The following AMD1 variants were observed in gnomAD, a reference collection of about 807,000 sequenced individuals.
The protein encoded by AMD1 is adenosylmethionine decarboxylase 1, also known as S-adenosylmethionine decarboxylase proenzyme.
A neutral mutation model predicts 40.2 loss-of-function variants in AMD1; 11 were observed. The ratio of observed to expected loss-of-function variants is 0.27; its 90% CI spans 0.17 to 0.45. AMD1 has a LOEUF of 0.45. AMD1 is among the 20% of genes least tolerant of loss of function. The pLI is 1.00. For synonymous variants in AMD1, 121 were observed against 130.8 expected, an observed-to-expected ratio of 0.93 and a Z score of 0.51; for missense variants, 257 against 410.2, an observed-to-expected ratio of 0.63 and a Z score of 3.23.
chr6:110,828,515 T>A, the AMD1 span, among the ~76,000 whole-genome samples: 6 of 152,112 alleles, frequency 3.9e-5, no homozygotes, highest in Admixed American at 2.0e-4. Context: ...TTTAACAGTT[T>A]GTCCAAGTCT....
chr6:110,823,058 C>T, the AMD1 span, among the ~76,000 whole-genome samples: 3 of 152,012 alleles, frequency 2.0e-5, no homozygotes, highest in Non-Finnish European at 2.9e-5. Context: ...GAGGTTGTGG[C>T]GAGCCGAGAT....
At chr6:110,816,661 C>T in the AMD1 span, among the ~76,000 whole-genome samples, 1 of 151,384 alleles carries the variant, frequency 6.6e-6, no homozygotes, top group African/African-American at 2.4e-5. Context: ...ATCTGAGATA[C>T]TTTTATCTGC....
In AMD1 at chr6:110,892,825, G is replaced by T; in HGVS notation, c.706G>T (p.Asp236Tyr). 1 of 1,614,078 alleles carries T rather than the reference G, an allele frequency of 6.2e-7. No homozygotes were observed. The highest frequency in any genetic ancestry group is 8.5e-7 in the Non-Finnish European group (1 of 1,179,934). The change falls in exon 7 of 9, where the codon GAT becomes TAT. Residue 236 changes from aspartate to tyrosine, a missense_variant and splice_region_variant. Physicochemically the swap from Asp to Tyr is radical, Grantham distance 160. Transcript: ENST00000368885. Reference protein sequence around the residue: ...CGYSMNGMKSDGTYWTIHITP... With the variant: ...CGYSMNGMKSYGTYWTIHITP... ...GTATTCGATGAATGGAATGAAATCG[G>T]ATGTGAGTAGTTATATATTGCTTCA...
At chr6:110,864,714 G>C in the AMD1 span, among the ~76,000 whole-genome samples, 1 of 152,218 alleles carries the variant, frequency 6.6e-6, no homozygotes, top group Admixed American at 6.5e-5. Flanking sequence ...GGCCTAGAAA[G>C]ACTAGGGAAG....
chr6:110,853,671 T>C, the AMD1 span, among the ~76,000 whole-genome samples: 15 of 152,148 alleles, frequency 9.9e-5, 1 homozygote, highest in Admixed American at 8.5e-4. Context: ...GAACTCCTCA[T>C]CTCAAGCGAT....
At chr6:110,864,645 T>C in the AMD1 span, among the ~76,000 whole-genome samples, 1 of 152,166 alleles carries the variant, frequency 6.6e-6, no homozygotes, top group Non-Finnish European at 1.5e-5. Flanking sequence ...AATCATGGGG[T>C]CGGACCCCAA....
At chr6:110,820,973 G>T in the AMD1 span, among the ~76,000 whole-genome samples, 1 of 152,322 alleles carries the variant, frequency 6.6e-6, no homozygotes, top group East Asian at 1.9e-4. Context: ...AGAACATAGT[G>T]TGGGACAAAG....
the AMD1 span, among the ~76,000 whole-genome samples, chr6:110,825,753 G>A: frequency 1.5e-4 from 23 of 152,294 alleles, 1 homozygote; most frequent in South Asian, 4.8e-3. Context: ...TGAGAACAAA[G>A]CTCCCTTAAA....
At chr6:110,846,734 G>T in the AMD1 span, among the ~76,000 whole-genome samples, 3 of 152,066 alleles carry the variant, frequency 2.0e-5, no homozygotes, top group East Asian at 5.8e-4. Flanking sequence ...GGTGGGTGTG[G>T]TGGCGTGTGC....
chr6:110,867,103 G>A, the AMD1 span, among the ~76,000 whole-genome samples: 5 of 151,574 alleles, frequency 3.3e-5, no homozygotes, highest in African/African-American at 9.7e-5. Flanking sequence ...GTGAGCCACC[G>A]GGCCTGGCCC....
At chr6:110,885,141 A>G (rs2115294699) in intron 1 of AMD1, among the ~76,000 whole-genome samples, 1 of 152,048 alleles carries the variant, frequency 6.6e-6, no homozygotes, top group South Asian at 2.1e-4. Flanking sequence ...TTTGAGATGG[A>G]GATTCACTTT....
At chr6:110,853,751 A>G in the AMD1 span, among the ~76,000 whole-genome samples, 2 of 152,278 alleles carry the variant, frequency 1.3e-5, no homozygotes, top group South Asian at 2.1e-4. Context: ...TAAACACATC[A>G]TTCTTAAACT....
chr6:110,882,137 C>A (rs1367512482), intron 1 of AMD1, among the ~76,000 whole-genome samples: 2 of 152,192 alleles, frequency 1.3e-5, no homozygotes, highest in African/African-American at 4.8e-5. Context: ...TTAATACTAT[C>A]TTTTCTATTT....
chr6:110,848,420 G>T, the AMD1 span: 1 of 171,910 alleles, frequency 5.8e-6, no homozygotes, highest in Non-Finnish European at 1.3e-5. Flanking sequence ...TATTCGGAAG[G>T]CTGAGGCAGG....
the AMD1 span, among the ~76,000 whole-genome samples, chr6:110,827,573 T>G: frequency 0.014 from 2,075 of 152,152 alleles, 25 homozygotes; most frequent in Non-Finnish European, 0.021. Context: ...GAGACCAGCC[T>G]GGCCAACATG....
At chr6:110,864,501 T>A in the AMD1 span, 1 of 153,342 alleles carries the variant, frequency 6.5e-6, no homozygotes, top group Admixed American at 6.6e-5. Flanking sequence ...AAATTATAAA[T>A]GTTTTATACA....
chr6:110,881,498 T>C (rs1398009042), intron 1 of AMD1, among the ~76,000 whole-genome samples: 2 of 152,176 alleles, frequency 1.3e-5, no homozygotes, highest in Non-Finnish European at 2.9e-5. Context: ...TCTTTGTGTT[T>C]TATAACCACC....
the AMD1 span, among the ~76,000 whole-genome samples, chr6:110,855,065 C>CTTTTTTTTTTTTTTTTTTT: frequency 1.1e-4 from 9 of 80,464 alleles, no homozygotes; most frequent in South Asian, 5.5e-4. Context: ...CTCTCTCTCT[C>CTTTTTTTTTTTTTTTTTTT]TTTTTTTTTT....
chr6:110,814,809 G>T, the AMD1 span: 1 of 716,556 alleles, frequency 1.4e-6, no homozygotes, highest in Non-Finnish European at 2.4e-6. Flanking sequence ...CGCCGCGGGA[G>T]TTCGAGGTAC....
Sources: allele counts gnomAD v4.1 joint callset (sites outside exome capture counted in the v4.1 genomes callset), GRCh38; gene constraint gnomAD v4.1.1; transcripts MANE v1.5; gene names NCBI Gene and HGNC (gene_info 2026-07-23, HGNC 2026-07-21).